The following SPTAN1 variants were observed in gnomAD, a reference collection of about 807,000 sequenced individuals.
The protein encoded by SPTAN1 is spectrin alpha chain, non-erythrocytic 1.
SPTAN1 carries 61 observed loss-of-function variants against 331.3 expected under a neutral mutation model. That is an observed-to-expected ratio of 0.18 (90% CI 0.15 to 0.23). SPTAN1 has a LOEUF of 0.23. Ranked by LOEUF, SPTAN1 falls within the 10% of genes least tolerant of loss-of-function variation. The pLI is 1.00. For synonymous variants in SPTAN1, 1,153 were observed against 1,173.9 expected (o/e 0.98, Z 0.36); for missense variants, 2,043 against 3,147.9 (o/e 0.65, Z 8.40).
At chr9:128,569,222 G>A (rs1850379624) in intron 3 of SPTAN1, among the ~76,000 whole-genome samples, 1 of 152,172 alleles carries the variant, frequency 6.6e-6, no homozygotes, top group Non-Finnish European at 1.5e-5. Context: ...CAAATTTAAG[G>A]ACTCAGATGC....
At chr9:128,628,522 T>TG in intron 51 of SPTAN1, 1 of 271,010 alleles carries the variant, frequency 3.7e-6, no homozygotes, top group Non-Finnish European at 7.3e-6. Context: ...AGACAGGACG[T>TG]GGGAGGAGCC....
At chr9:128,574,915 C>A (rs1379935073) in intron 4 of SPTAN1, 100 bp downstream of exon 4, 14 of 1,553,210 alleles carry the variant, frequency 9.0e-6, no homozygotes, top group Non-Finnish European at 1.1e-5. Flanking sequence ...ACAGATACGG[C>A]CATTTTAAGT....
At position 128,629,284 on chromosome 9, in the gene SPTAN1, G is replaced by A. The variant is rs10124446; in HGVS notation, c.6708-1037G>A. 4,182 of 395,798 alleles carry A rather than the reference G, an allele frequency of 0.011. 155 individuals are homozygous for A. The highest frequency in any genetic ancestry group is 0.078 in the African/African-American group (3,799 of 48,486). 24.5% of individuals were successfully genotyped at this position (395,798 alleles called of 1,614,324 possible). ...CCACCCTGACTAACCTGCCGCCCTC[G>A]GCTGCTTGGGAAGGAGGGGTCTGTC... On this transcript the variant is annotated intron_variant, in intron 51 of 56. Transcript: ENST00000372739. The surrounding 1 kb of genome is among the most constrained non-coding windows in gnomAD (Gnocchi z 4.9).
chr9:128,626,610 G>A lies in SPTAN1; in HGVS notation c.6499G>A (p.Val2167Ile), dbSNP rs371095095. 9.9e-6 allele frequency: 16 copies of A among 1,613,768 alleles called. No homozygotes were observed. The highest frequency in any genetic ancestry group is 5.3e-5 in the African/African-American group (4 of 74,876). ...GGACCGCCAGATCAAGAGCTTCCGC[G>A]TAGCCTCCAACCCCTACACCTGGTT... ...ELDRQIKSFR[V>I]ASNPYTWFTM... is the part of the protein sequence containing the mutation. Residue 2167 changes from valine (V) to isoleucine (I), a missense_variant, in exon 49 of 57, where the codon GTA (valine) becomes ATA (isoleucine). Around this residue, in one of 12 missense-constraint regions of SPTAN1, gnomAD observed 256 missense variants for 376.4 expected, o/e 0.68. Transcript: ENST00000372739.
chr9:128,616,052 G>A (rs953473700), intron 41 of SPTAN1, among the ~76,000 whole-genome samples: 1 of 152,092 alleles, frequency 6.6e-6, no homozygotes, highest in East Asian at 1.9e-4. Flanking sequence ...GGCTACATAG[G>A]CCCTGTCTAG....
intron 20 of SPTAN1, among the ~76,000 whole-genome samples, chr9:128,588,295 C>T (rs1852942143): frequency 6.9e-6 from 1 of 145,934 alleles, no homozygotes; most frequent in African/African-American, 2.5e-5. Context: ...GTGCCCGGCC[C>T]TACTTTAAAA....
At chr9:128,564,358 T>G (rs1410013266) in intron 1 of SPTAN1, among the ~76,000 whole-genome samples, 8 of 151,172 alleles carry the variant, frequency 5.3e-5, no homozygotes, top group Non-Finnish European at 2.9e-5. Flanking sequence ...TGCAGAGGTT[T>G]CAATGAGCCA....
rs769857503 is a variant in SPTAN1, at chr9:128,574,678, C to G, written c.367C>G (p.Arg123Gly). 1 of 1,614,108 alleles carries G rather than the reference C, an allele frequency of 6.2e-7. No individual in the cohort carries two copies. The highest frequency in any genetic ancestry group is 1.3e-5 in the African/African-American group (1 of 75,020). ...AACTCTGATTTGAAACTTTCAGACC[C>G]GTTTGATGGAGCTGCACCGCCAGTG... Reference protein sequence around the residue: ...GHFASETIRTRLMELHRQWEL... With the variant: ...GHFASETIRTGLMELHRQWEL... The change falls in exon 4 of 57, where the codon CGT becomes GGT. Residue 123 changes from arginine to glycine, a missense_variant. Arg to Gly is a moderately radical substitution (Grantham distance 125, BLOSUM62 -2). This residue lies in a region of SPTAN1 where 1,038 missense variants were observed against 1,531.5 expected (regional missense o/e 0.68). Transcript: ENST00000372739.
At chr9:128,593,835 CCACTGTAGTTG>C (rs887053574) in intron 23 of SPTAN1, 30 of 358,464 alleles carry the variant, frequency 8.4e-5, no homozygotes, top group African/African-American at 5.5e-4. Flanking sequence ...TCTCGTCTCT[CCACTGTAGTTG>C]CATGAGCCCT....
chr9:128,559,458 C>G (rs931078488), intron 1 of SPTAN1, among the ~76,000 whole-genome samples: 7 of 152,124 alleles, frequency 4.6e-5, no homozygotes, highest in Non-Finnish European at 8.8e-5. Flanking sequence ...TGCAGTGACT[C>G]CTGTGATAGG....
chr9:128,612,653 C>T (rs975930360), intron 39 of SPTAN1, among the ~76,000 whole-genome samples: 33 of 152,190 alleles, frequency 2.2e-4, no homozygotes, highest in Non-Finnish European at 4.7e-4. Flanking sequence ...TGGCCAGGTG[C>T]AGTGGCTCAC....
In SPTAN1 at chr9:128,612,133, C is replaced by G. The variant is rs1312145167; in HGVS notation, c.4930C>G (p.Gln1644Glu). Residue 1644 changes from glutamine (Q) to glutamate (E), a missense_variant, in exon 39 of 57, where the codon CAG (glutamine) becomes GAG (glutamate). By Grantham distance (29) the Gln-to-Glu change is conservative. This residue lies in a region of SPTAN1 where 323 missense variants were observed against 581.1 expected (regional missense o/e 0.56). Coordinates refer to ENST00000372739, the MANE Select transcript of SPTAN1 (RefSeq NM_001130438.3). ...GGCCCGCCTGGCTGCCTTAGCTGAC[C>G]AGTGGCAGTTCTTGGTGCAAAAGTC... ...VKARLAALAD[Q>E]WQFLVQKSAE... The G allele has an allele frequency of 1.2e-6, 2 of 1,614,014 alleles. No homozygotes were observed. Among genetic ancestry groups the G allele is most frequent in the Non-Finnish European group, 1.7e-6 (2 of 1,180,048 alleles).
In SPTAN1 at chr9:128,585,742, T is replaced by C. The variant is rs1327489030; in HGVS notation, c.2561-6T>C. The C allele has an allele frequency of 6.2e-7, 1 of 1,613,746 alleles. No individual in the cohort carries two copies. The highest frequency in any genetic ancestry group is 1.7e-5 in the Admixed American group (1 of 60,036). ...TTGTTATCCTCTTTCCCTACCCATCTTCCAGGCCATTTTGCTGCAGAGGAT... is the reference window on the plus strand; with the variant it reads ...TTGTTATCCTCTTTCCCTACCCATCCTCCAGGCCATTTTGCTGCAGAGGAT... On this transcript the variant is annotated splice_polypyrimidine_tract_variant and splice_region_variant and intron_variant, in intron 18 of 56. Coordinates refer to ENST00000372739, the MANE Select transcript of SPTAN1 (RefSeq NM_001130438.3).
chr9:128,561,662 C>CAAAAAAAAAAAAAAAAA lies in SPTAN1; in HGVS notation c.-3-5066_-3-5050dup. Among the ~76,000 whole-genome samples, 73 of 15,974 alleles carry CAAAAAAAAAAAAAAAAA rather than the reference C, an allele frequency of 4.6e-3. 18 individuals carry two copies. The highest frequency in any genetic ancestry group is 0.01 in the South Asian group (3 of 290). 10.5% of individuals were successfully genotyped at this position (15,974 alleles called of 152,430 possible). Reference sequence around the variant, plus strand: ...TGGGCAACAGAGCGAGACTCCGTCTCAAAAAAAAAAAAAAAAAAAAAAAAA... The same window carrying CAAAAAAAAAAAAAAAAA: ...TGGGCAACAGAGCGAGACTCCGTCTCAAAAAAAAAAAAAAAAAAAAAAAAAAAAAAAAAAAAAAAAAA... On this transcript the variant is annotated intron_variant, in intron 1 of 56. Transcript: ENST00000372739.
At chr9:128,597,193 A>G (rs925613631) in intron 24 of SPTAN1, among the ~76,000 whole-genome samples, 2 of 152,230 alleles carry the variant, frequency 1.3e-5, no homozygotes, top group East Asian at 1.9e-4. Flanking sequence ...ATTTTTCTGT[A>G]GAGATAGGGG....
chr9:128,621,044 T>C (rs896982769), intron 44 of SPTAN1, 114 bp from the exon 45 acceptor site: 18 of 824,950 alleles, frequency 2.2e-5, no homozygotes, highest in Non-Finnish European at 3.4e-5. Context: ...CCAGCTAGAC[T>C]GTAATGTGTG....
intron 3 of SPTAN1, among the ~76,000 whole-genome samples, chr9:128,571,229 G>T (rs1044475457): frequency 3.9e-5 from 6 of 151,930 alleles, no homozygotes; most frequent in African/African-American, 1.2e-4. Flanking sequence ...GGTCAAGGCT[G>T]CAGTGAGCCA....
intron 1 of SPTAN1, chr9:128,555,378 G>A (rs1215338509): frequency 7.8e-7 from 1 of 1,289,322 alleles, no homozygotes; most frequent in Non-Finnish European, 1.0e-6. Context: ...TGTTGTCATC[G>A]TTTCGTAAAC....
Position 128,604,361 on chromosome 9 carries a change from G to A in SPTAN1, c.3663G>A (p.Leu1221=), listed in dbSNP as rs779143018. The part of the protein sequence containing the change: ...LNERWRSLQQ[L]AEERSQLLGS... The stretch of plus-strand genomic sequence containing the variant: ...AGCGCTGGCGGTCCCTACAGCAGCT[G>A]GCCGAGGAACGGAGCCAGCTCTTGG... The change falls in exon 29 of 57, where the codon CTG becomes CTA. Residue 1221 remains leucine, a synonymous_variant. Transcript: ENST00000372739. The A allele has an allele frequency of 9.3e-6, 15 of 1,614,060 alleles. No homozygotes were observed. The highest frequency in any genetic ancestry group is 9.3e-6 in the Non-Finnish European group (11 of 1,179,982).
Sources: allele counts gnomAD v4.1 joint callset (sites outside exome capture counted in the v4.1 genomes callset), GRCh38; gene constraint gnomAD v4.1.1; regional missense constraint gnomAD v4.1.1; non-coding constraint Gnocchi (gnomAD v3.1); transcripts MANE v1.5; gene names NCBI Gene and HGNC (gene_info 2026-07-23, HGNC 2026-07-21).